The following CFAP61 variants were observed in gnomAD, a reference collection of about 807,000 sequenced individuals.
CFAP61 encodes cilia and flagella associated protein 61.
Under a neutral mutation model 135.6 loss-of-function variants are expected in CFAP61, and 107 were observed. The observed-to-expected ratio is 0.79, with a 90% confidence interval of 0.67 to 0.93. The LOEUF is 0.93. Ranked by LOEUF, CFAP61 falls within the 40% of genes least tolerant of loss-of-function variation. The probability of loss-of-function intolerance (pLI) is 0.00; values close to 1 mark genes in which losing one functional copy is unlikely to be tolerated. For missense variants in CFAP61, 1,507 were observed against 1,556.2 expected, an observed-to-expected ratio of 0.97 and a Z score of 0.53; for synonymous variants, 575 against 578.5, an observed-to-expected ratio of 0.99 and a Z score of 0.09.
intron 8 of CFAP61, among the ~76,000 whole-genome samples, chr20:20,129,830 T>C (rs909858355): frequency 1.3e-5 from 2 of 151,632 alleles, no homozygotes; most frequent in African/African-American, 4.9e-5. Context: ...TGATCCATTC[T>C]GCTCTTGAGG....
At chr20:20,179,926 A>G (rs1361755366) in intron 13 of CFAP61, among the ~76,000 whole-genome samples, 1 of 152,240 alleles carries the variant, frequency 6.6e-6, no homozygotes, top group Non-Finnish European at 1.5e-5. Context: ...AAACCCTGGA[A>G]GACAACCTAG....
intron 17 of CFAP61, among the ~76,000 whole-genome samples, chr20:20,206,718 A>G (rs2056870664): frequency 6.6e-6 from 1 of 151,962 alleles, no homozygotes; most frequent in African/African-American, 2.4e-5. Flanking sequence ...TTGCTATGAA[A>G]ATTTGCACAC....
At chr20:20,062,913 T>C (rs1325706964) in intron 2 of CFAP61, among the ~76,000 whole-genome samples, 7 of 152,230 alleles carry the variant, frequency 4.6e-5, no homozygotes. Flanking sequence ...TAGAGTAACC[T>C]CCTGTCACTT....
chr20:20,124,260 G>A (rs1208657339), intron 8 of CFAP61, among the ~76,000 whole-genome samples: 1 of 151,532 alleles, frequency 6.6e-6, no homozygotes, highest in African/African-American at 2.4e-5. Context: ...CTCTGGTTAG[G>A]ACTTCCAGTG....
chr20:20,070,591 G>A (rs2045635421), intron 2 of CFAP61, among the ~76,000 whole-genome samples: 2 of 152,250 alleles, frequency 1.3e-5, no homozygotes, highest in African/African-American at 4.8e-5. Flanking sequence ...CAGTCTCCAA[G>A]GGAAAGATAG....
intron 2 of CFAP61, among the ~76,000 whole-genome samples, chr20:20,058,104 A>G (rs1247344988): frequency 2.0e-5 from 3 of 152,250 alleles, no homozygotes; most frequent in Non-Finnish European, 2.9e-5. Flanking sequence ...ATCAAATACA[A>G]TTGAAATGTT....
At chr20:20,303,979 A>G (rs1211914035) in intron 25 of CFAP61, among the ~76,000 whole-genome samples, 2 of 152,112 alleles carry the variant, frequency 1.3e-5, no homozygotes, top group African/African-American at 4.8e-5. Context: ...GCCAATGGGA[A>G]CGGTGGCAGC....
At chr20:20,061,965 T>C (rs2044834098) in intron 2 of CFAP61, among the ~76,000 whole-genome samples, 1 of 152,120 alleles carries the variant, frequency 6.6e-6, no homozygotes, top group African/African-American at 2.4e-5. Flanking sequence ...GAACCCTGGG[T>C]CCCTCTGGCC....
chr20:20,288,536 A>C, intron 22 of CFAP61, 73 bp from the exon 23 acceptor site: 3 of 1,153,490 alleles, frequency 2.6e-6, no homozygotes, highest in Non-Finnish European at 3.8e-6. Context: ...AATGCCCTGG[A>C]GACTAGTCAC....
At chr20:20,242,597 A>G (rs1351727352) in intron 18 of CFAP61, among the ~76,000 whole-genome samples, 2 of 152,116 alleles carry the variant, frequency 1.3e-5, no homozygotes, top group East Asian at 1.9e-4. Flanking sequence ...ACCATTTCCA[A>G]CCTTGATTTT....
intron 6 of CFAP61, among the ~76,000 whole-genome samples, chr20:20,079,905 G>T (rs1252167952): frequency 6.6e-6 from 1 of 152,032 alleles, no homozygotes. Context: ...AGTGTCTCTT[G>T]TTAGTGTCAG....
intron 21 of CFAP61, among the ~76,000 whole-genome samples, chr20:20,264,896 AT>A (rs1202368527): frequency 2.0e-5 from 3 of 151,808 alleles, no homozygotes; most frequent in African/African-American, 7.3e-5. Flanking sequence ...TATCTTAAAA[AT>A]TTTTTTTCTT....
At chr20:20,358,557 C>A (rs1335941350) in intron 26 of CFAP61, among the ~76,000 whole-genome samples, 2 of 152,068 alleles carry the variant, frequency 1.3e-5, no homozygotes, top group East Asian at 1.9e-4. Context: ...AGAATATATC[C>A]ACGAGGCCTT....
intron 6 of CFAP61, among the ~76,000 whole-genome samples, chr20:20,079,745 C>G (rs940908895): frequency 6.6e-6 from 1 of 152,094 alleles, no homozygotes; most frequent in Non-Finnish European, 1.5e-5. Context: ...TTATTAATAG[C>G]TAAATAATCC....
At chr20:20,174,265 G>A (rs998422781) in intron 13 of CFAP61, among the ~76,000 whole-genome samples, 4 of 152,048 alleles carry the variant, frequency 2.6e-5, no homozygotes, top group African/African-American at 9.7e-5. Flanking sequence ...CCAGTTTGTC[G>A]CCAGCGCACC....
chr20:20,212,596 G>T (rs1373905165), intron 17 of CFAP61, among the ~76,000 whole-genome samples: 1 of 151,986 alleles, frequency 6.6e-6, no homozygotes, highest in Non-Finnish European at 1.5e-5. Context: ...CCTGCTTTTT[G>T]TCCATGAGCC....
intron 24 of CFAP61, among the ~76,000 whole-genome samples, chr20:20,296,456 G>GC (rs2055619090): frequency 1.2e-5 from 1 of 84,628 alleles, no homozygotes; most frequent in Non-Finnish European, 2.3e-5. Context: ...CCTCCTTCCT[G>GC]CCTTCCTTCC....
At chr20:20,093,434 CT>C (rs11479548) in intron 7 of CFAP61, among the ~76,000 whole-genome samples, 79,739 of 121,788 alleles carry the variant, frequency 0.65, 25,156 homozygotes, top group East Asian at 0.82. Context: ...TTGTGTATTT[CT>C]TTTTTTTTTT....
At chr20:20,332,702 A>T (rs1218792417) in intron 25 of CFAP61, among the ~76,000 whole-genome samples, 1 of 152,136 alleles carries the variant, frequency 6.6e-6, no homozygotes, top group Non-Finnish European at 1.5e-5. Context: ...CTACAGCCTC[A>T]AACTCGGGCT....
Sources: gnomAD v4.1 joint callset for allele counts (sites outside exome capture counted in the v4.1 genomes callset) on GRCh38, gnomAD v4.1.1 for gene constraint, MANE v1.5 for transcripts, NCBI Gene and HGNC (gene_info 2026-07-23, HGNC 2026-07-21) for gene names.